The following CMPK2 variants were observed in gnomAD, a reference collection of about 807,000 sequenced individuals.
CMPK2 encodes UMP-CMP kinase 2, mitochondrial.
CMPK2 carries 32 observed loss-of-function variants against 33.4 expected under a neutral mutation model. The observed-to-expected ratio is 0.96, with a 90% confidence interval of 0.72 to 1.29. CMPK2 has a LOEUF of 1.29. Ranked by LOEUF, CMPK2 falls within the 50% of genes most tolerant of loss-of-function variation. The pLI, the probability that CMPK2 is intolerant of heterozygous loss-of-function variation, is 0.00. For missense variants in CMPK2, 672 were observed against 616.0 expected (o/e 1.09, Z -0.96); for synonymous variants, 299 against 275.3 (o/e 1.09, Z -0.85).
chr2:6,842,481 G>A lies in CMPK2; in HGVS notation c.993-1803C>T, dbSNP rs1400710440. 7.2e-5 allele frequency among the ~76,000 whole-genome samples: 11 copies of A among 152,142 alleles called. 1 individual carries two copies. The highest frequency in any genetic ancestry group is 2.4e-4 in the African/African-American group (10 of 41,434). ...ACTGCAACTGTTCAGAGGCAAGCTG[G>A]CCATCCTTTAGCCATCAAGTCAAGT... is the stretch of plus-strand genomic sequence containing the variant. On this transcript the variant is annotated intron_variant, in intron 3 of 3. Transcript: ENST00000458098.
rs1663066302 is a variant in CMPK2, at chr2:6,865,838, G to A, written c.-142C>T. 3 of 1,282,520 alleles carry A rather than the reference G, an allele frequency of 2.3e-6. No homozygotes were observed. The highest frequency in any genetic ancestry group is 3.0e-6 in the Non-Finnish European group (3 of 1,014,340). 79.4% of individuals were successfully genotyped at this position (1,282,520 alleles called of 1,614,324 possible). The stretch of plus-strand genomic sequence containing the variant: ...AAGCGTTGCGGGGAAACGAAAGCCG[G>A]AGGCCCAGGCGGGGCAGGAGCCCTG... On this transcript the variant is annotated 5_prime_UTR_variant, in exon 1 of 5. Transcript: ENST00000256722.
In CMPK2 at chr2:6,863,437, T is replaced by C. The variant is rs201102085; in HGVS notation, c.790+27A>G. The C allele has an allele frequency of 8.9e-6, 14 of 1,575,890 alleles. No homozygotes were observed. In the East Asian group the frequency reaches 2.7e-4, roughly 30 times the overall value. On this transcript the variant is annotated intron_variant, in intron 2 of 4. Transcript: ENST00000256722. The stretch of plus-strand genomic sequence containing the variant: ...CAACTAATCAGTTAGTGTCATTGCC[T>C]ATAACTAAAAGGTAATATTATCTTA...
rs2103217079 is a variant in CMPK2, at chr2:6,849,155, A to C, written c.*695T>G. The C allele has an allele frequency of 2.0e-6, 2 of 984,726 alleles. No individual in the cohort carries two copies. The highest frequency in any genetic ancestry group is 9.4e-5 in the South Asian group (2 of 21,266). 61.0% of individuals were successfully genotyped at this position (984,726 alleles called of 1,614,324 possible). A position where few individuals can be genotyped will look rare whatever the true frequency, so the allele number is the denominator to read the frequency against. On this transcript the variant is annotated 3_prime_UTR_variant, in exon 5 of 5. Transcript: ENST00000256722. Reference sequence around the variant, plus strand: ...AAATAAGCAAAATATAATTCAGAGAAGGTTGGTATATTTGCAGTTGGAGCA... The same window carrying C: ...AAATAAGCAAAATATAATTCAGAGACGGTTGGTATATTTGCAGTTGGAGCA...
chr2:6,854,035 A>C (rs2103221244), intron 3 of CMPK2, among the ~76,000 whole-genome samples: 1 of 152,212 alleles, frequency 6.6e-6, no homozygotes, highest in African/African-American at 2.4e-5. Flanking sequence ...CTGCCTGGAC[A>C]CCTTCCTATG....
At chr2:6,845,503 G>C (rs907927447), downstream of CMPK2, among the ~76,000 whole-genome samples, 4 of 152,070 alleles carry the variant, frequency 2.6e-5, no homozygotes, top group African/African-American at 9.7e-5. Context: ...GCCATCATAG[G>C]TGCCGCCCCA....
At chr2:6,844,353 T>C (rs892056343), downstream of CMPK2, among the ~76,000 whole-genome samples, 3 of 152,204 alleles carry the variant, frequency 2.0e-5, no homozygotes, top group Admixed American at 6.5e-5. Flanking sequence ...ATATCGGGGC[T>C]GCCTGGGTAA....
At chr2:6,856,386 T>C (rs1662704570) in intron 3 of CMPK2, among the ~76,000 whole-genome samples, 1 of 152,118 alleles carries the variant, frequency 6.6e-6, no homozygotes, top group East Asian at 1.9e-4. Flanking sequence ...GGGGAGGAAA[T>C]GGGCAGTGAC....
chr2:6,844,426 A>T (rs943728498), downstream of CMPK2, among the ~76,000 whole-genome samples: 6 of 152,186 alleles, frequency 3.9e-5, no homozygotes, highest in African/African-American at 1.4e-4. Flanking sequence ...GATATGTTTC[A>T]CTAATGCCTC....
Position 6,861,290 on chromosome 2 carries a change from C to T in CMPK2, c.886G>A (p.Asp296Asn). 1 of 1,614,022 alleles carries T rather than the reference C, an allele frequency of 6.2e-7. No individual in the cohort carries two copies. The highest frequency in any genetic ancestry group is 8.5e-7 in the Non-Finnish European group (1 of 1,179,910). ...CTTCTAATGATAGTTGGTTCATCAT[C>T]AAAGATCTTCCTCCACTGGCCAATG... ...SCIGQWRKIF[D>N]DEPTIIRRAF... Residue 296 changes from aspartate (D) to asparagine (N), a missense_variant, in exon 3 of 5, where the codon GAT becomes AAT. Transcript: ENST00000256722.
intron 3 of CMPK2, among the ~76,000 whole-genome samples, chr2:6,842,644 T>C (rs998762176): frequency 6.6e-6 from 1 of 152,250 alleles, no homozygotes; most frequent in African/African-American, 2.4e-5. Flanking sequence ...ATGCTTTAAG[T>C]AAAGCTTGCT....
At chr2:6,857,331 A>ATT (rs796422164) in intron 3 of CMPK2, among the ~76,000 whole-genome samples, 9 of 125,406 alleles carry the variant, frequency 7.2e-5, no homozygotes, top group Non-Finnish European at 1.1e-4. Context: ...TGTTTTTGGG[A>ATT]TTTTTTTTTT....
chr2:6,859,257 G>T (rs1187237745), intron 3 of CMPK2, among the ~76,000 whole-genome samples: 1 of 152,212 alleles, frequency 6.6e-6, no homozygotes. Context: ...AAGTTTGGAA[G>T]ATTTGCAGCC....
downstream of CMPK2, among the ~76,000 whole-genome samples, chr2:6,847,674 T>C (rs1558320472): frequency 6.6e-6 from 1 of 152,224 alleles, no homozygotes; most frequent in Non-Finnish European, 1.5e-5. Flanking sequence ...AGTGTCATCC[T>C]CATCTCTTGG....
intron 1 of CMPK2, 88 bp from the exon 2 acceptor site, chr2:6,863,666 T>C (rs2103228937): frequency 3.3e-6 from 3 of 903,562 alleles, no homozygotes; most frequent in East Asian, 2.4e-5. Flanking sequence ...TATTGCCGCA[T>C]GCTAATAAGG....
At chr2:6,845,383 G>A (rs1049800731), downstream of CMPK2, among the ~76,000 whole-genome samples, 1 of 152,140 alleles carries the variant, frequency 6.6e-6, no homozygotes, top group Non-Finnish European at 1.5e-5. Context: ...TAAGAGATGG[G>A]AGACAAGGCA....
chr2:6,866,009 C>T, upstream of CMPK2: 1 of 590,912 alleles, frequency 1.7e-6, no homozygotes, highest in East Asian at 6.4e-5. Context: ...GCTCCCGGGG[C>T]TGACACCGAA....
In CMPK2 at chr2:6,849,534, C is replaced by T. The variant is rs1662450572; in HGVS notation, c.*316G>A. The T allele has an allele frequency of 9.2e-7, 1 of 1,089,396 alleles. No individual in the cohort carries two copies. The highest frequency in any genetic ancestry group is 1.7e-5 in the African/African-American group (1 of 59,090). 67.5% of individuals were successfully genotyped at this position (1,089,396 alleles called of 1,614,324 possible). A position where few individuals can be genotyped will look rare whatever the true frequency, so the allele number is the denominator to read the frequency against. On this transcript the variant is annotated 3_prime_UTR_variant, in exon 5 of 5. Coordinates refer to ENST00000256722, the MANE Select transcript of CMPK2 (RefSeq NM_207315.4). ...GCTGCTTCTGTACACCTGGTGCTGT[C>T]TGAGTAAGACAGGTCTTCCAGATAT...
chr2:6,863,438 A>G (rs144338313), intron 2 of CMPK2, 26 bp downstream of exon 2: 4 of 1,574,408 alleles, frequency 2.5e-6, no homozygotes, highest in Non-Finnish European at 3.5e-6. Flanking sequence ...GTCATTGCCT[A>G]TAACTAAAAG....
chr2:6,857,639 C>CTTTT (rs59168059), intron 3 of CMPK2, among the ~76,000 whole-genome samples: 2 of 131,732 alleles, frequency 1.5e-5, no homozygotes, highest in African/African-American at 2.9e-5. Flanking sequence ...CTTTTCTTTT[C>CTTTT]TTTTTTTTTT....
Sources: allele counts gnomAD v4.1 joint callset (sites outside exome capture counted in the v4.1 genomes callset), GRCh38; gene constraint gnomAD v4.1.1; transcripts MANE v1.5; gene names NCBI Gene and HGNC (gene_info 2026-07-23, HGNC 2026-07-21).